DMD: variants seen among roughly 807,000 people sequenced by gnomAD.
DMD encodes dystrophin.
In DMD, 63 loss-of-function variants were observed where a neutral mutation model predicts 330.1. The observed-to-expected ratio is 0.19, with a 90% CI of 0.16 to 0.24. The LOEUF is 0.24. Among genes scored for constraint, DMD ranks in the 10% least tolerant of loss-of-function variants. The pLI, the probability that DMD is intolerant of heterozygous loss-of-function variation, is 1.00. For synonymous variants in DMD, 1,223 were observed against 959.8 expected, an observed-to-expected ratio of 1.27 and a Z score of -5.07; for missense variants, 3,344 against 2,684.1, an observed-to-expected ratio of 1.25 and a Z score of -5.43.
intron 30 of DMD, among the ~76,000 whole-genome samples, chrX:32,406,234 T>C (rs1249187020): frequency 1.8e-5 from 2 of 111,484 alleles, no homozygotes; most frequent in Non-Finnish European, 3.8e-5. Flanking sequence ...CCTGATTGAA[T>C]ACCCTTTATT....
intron 1 of DMD, among the ~76,000 whole-genome samples, chrX:33,128,757 T>C (rs1377187847): frequency 8.9e-6 from 1 of 112,314 alleles, no homozygotes; most frequent in Non-Finnish European, 1.9e-5. Context: ...ACCTGTGTGA[T>C]GCTAGGAGAA....
intron 2 of DMD, among the ~76,000 whole-genome samples, chrX:32,894,427 T>C (rs2085510126): frequency 8.9e-6 from 1 of 112,671 alleles, no homozygotes; most frequent in South Asian, 3.6e-4. Context: ...CAAGATAGCC[T>C]CGCAGCACAG....
intron 1 of DMD, among the ~76,000 whole-genome samples, chrX:33,040,065 A>T (rs1317457132): frequency 9.0e-6 from 1 of 111,312 alleles, no homozygotes; most frequent in Non-Finnish European, 1.9e-5. Context: ...CTTAAAAGTC[A>T]GGTGTGGGCT....
chrX:32,108,038 C>T (rs959801612), intron 44 of DMD, among the ~76,000 whole-genome samples: 1 of 111,317 alleles, frequency 9.0e-6, no homozygotes, highest in Non-Finnish European at 1.9e-5. Context: ...ACATTCTCTA[C>T]CCCCTGTCCC....
At chrX:32,334,361 T>A (rs1039532204) in intron 41 of DMD, among the ~76,000 whole-genome samples, 1 of 111,929 alleles carries the variant, frequency 8.9e-6, no homozygotes, top group Non-Finnish European at 1.9e-5. Context: ...TCTTCCCAAA[T>A]TCTCCAAGGA....
At chrX:32,820,236 G>A (rs567862623) in intron 5 of DMD, among the ~76,000 whole-genome samples, 4 of 111,749 alleles carry the variant, frequency 3.6e-5, no homozygotes, top group African/African-American at 9.7e-5. Flanking sequence ...TCAGGAGATC[G>A]AGACCATCCT....
chrX:33,308,623 T>C (rs1033748667), intron 1 of DMD, among the ~76,000 whole-genome samples: 11 of 111,756 alleles, frequency 9.8e-5, no homozygotes, highest in African/African-American at 3.2e-4. Flanking sequence ...CTCTCCCCAA[T>C]TGAGTGTTTT....
At chrX:33,091,805 T>C (rs370118054) in intron 1 of DMD, among the ~76,000 whole-genome samples, 217 of 111,930 alleles carry the variant, frequency 1.9e-3, no homozygotes, top group African/African-American at 6.7e-3. Context: ...AATCTTTGCT[T>C]CAGCTACATG....
intron 1 of DMD, among the ~76,000 whole-genome samples, chrX:33,302,415 C>T (rs953431262): frequency 7.2e-5 from 8 of 111,838 alleles, no homozygotes; most frequent in African/African-American, 2.6e-4. Context: ...TTCACCATTT[C>T]TAGGTTGATA....
intron 29 of DMD, among the ~76,000 whole-genome samples, chrX:32,430,194 C>A (rs1489795787): frequency 9.0e-6 from 1 of 111,211 alleles, no homozygotes; most frequent in African/African-American, 3.3e-5. Context: ...AATTTAATTG[C>A]TTTGTAGGTT....
chrX:32,623,625 C>T (rs748955843), intron 11 of DMD, among the ~76,000 whole-genome samples: 1 of 108,044 alleles, frequency 9.3e-6, no homozygotes, highest in African/African-American at 3.4e-5. Flanking sequence ...CCTCCCAGGC[C>T]CAAATGATCC....
chrX:32,628,977 T>G lies in DMD; in HGVS notation c.1332-14524A>C, dbSNP rs915453140. On this transcript the variant is annotated intron_variant, in intron 11 of 78. Transcript: ENST00000357033. Reference sequence around the variant, plus strand: ...ATTATCCATGTGCTGAGAAGAAGAATATGTACTCTGCAGCTGTTGGATAAA... The same window carrying G: ...ATTATCCATGTGCTGAGAAGAAGAAGATGTACTCTGCAGCTGTTGGATAAA... 3.6e-5 allele frequency among the ~76,000 whole-genome samples: 4 copies of G among 112,187 alleles called. 1 individual carries two copies. The highest frequency in any genetic ancestry group is 9.4e-5 in the Admixed American group (1 of 10,586).
In DMD at chrX:31,399,583, A is replaced by G. The variant is rs894719404; in HGVS notation, c.9084+44898T>C. Among the ~76,000 whole-genome samples the G allele has an allele frequency of 2.7e-5, 3 of 111,381 alleles. No homozygotes were observed. In the Admixed American group the frequency reaches 2.9e-4, roughly 11 times the overall value. On this transcript the variant is annotated intron_variant, in intron 60 of 78. Transcript: ENST00000357033. Reference sequence around the variant, plus strand: ...AATGGGGACCTGCCCTCTTCTGCCCAGAATTTCCCTGCCTTCTGTCCTTTA... The same window carrying G: ...AATGGGGACCTGCCCTCTTCTGCCCGGAATTTCCCTGCCTTCTGTCCTTTA...
chrX:31,932,987 G>A (rs1391256589), intron 45 of DMD, among the ~76,000 whole-genome samples: 1 of 111,018 alleles, frequency 9.0e-6, no homozygotes, highest in Non-Finnish European at 1.9e-5. Flanking sequence ...CCTCGCCCCT[G>A]AGCTGTGACA....
At chrX:31,978,450 C>T (rs190531400) in intron 44 of DMD, among the ~76,000 whole-genome samples, 6 of 111,533 alleles carry the variant, frequency 5.4e-5, no homozygotes, top group Non-Finnish European at 1.1e-4. Context: ...TCATCTCAGA[C>T]TCTTTCACTG....
At chrX:32,681,752 G>A (rs2062441145) in intron 9 of DMD, among the ~76,000 whole-genome samples, 1 of 111,644 alleles carries the variant, frequency 9.0e-6, no homozygotes, top group Non-Finnish European at 1.9e-5. Flanking sequence ...TACTCATTAG[G>A]GAAAAACGAC....
At chrX:32,429,648 T>C (rs1419097639) in intron 29 of DMD, among the ~76,000 whole-genome samples, 1 of 109,723 alleles carries the variant, frequency 9.1e-6, no homozygotes, top group African/African-American at 3.3e-5. Context: ...TTGAGAACTG[T>C]TCCTTTTATC....
intron 59 of DMD, among the ~76,000 whole-genome samples, chrX:31,456,870 GTGTGTGTATATA>G (rs1262980313): frequency 7.8e-4 from 77 of 98,216 alleles, no homozygotes; most frequent in African/African-American, 3.2e-3. Flanking sequence ...GTGTGTGTGT[GTGTGTGTATATA>G]TATATATATT....
intron 60 of DMD, among the ~76,000 whole-genome samples, chrX:31,417,691 CTT>C (rs767463746): frequency 1.6e-4 from 16 of 99,154 alleles, no homozygotes; most frequent in South Asian, 4.4e-4. Flanking sequence ...ATTATCACTT[CTT>C]TTTTTTTTTT....
Sources: allele counts gnomAD v4.1 joint callset (sites outside exome capture counted in the v4.1 genomes callset), GRCh38; gene constraint gnomAD v4.1.1; transcripts MANE v1.5; gene names NCBI Gene and HGNC (gene_info 2026-07-23, HGNC 2026-07-21).